The following EHMT1 variants were observed in gnomAD, a reference collection of about 807,000 sequenced individuals.
EHMT1 encodes the protein histone-lysine N-methyltransferase EHMT1.
Under a neutral mutation model 147.2 loss-of-function variants are expected in EHMT1, and 15 were observed. The ratio of observed to expected loss-of-function variants is 0.10; its 90% CI spans 0.07 to 0.16. The LOEUF is 0.16. Among genes scored for constraint, EHMT1 ranks in the 10% least tolerant of loss-of-function variants. EHMT1 has a pLI of 1.00. For synonymous variants in EHMT1, 795 were observed against 709.6 expected, an observed-to-expected ratio of 1.12 and a Z score of -1.91; for missense variants, 1,587 against 1,772.4, an observed-to-expected ratio of 0.90 and a Z score of 1.88.
intron 1 of EHMT1, chr9:137,685,294 T>C (rs1396520081): frequency 3.3e-5 from 5 of 152,238 alleles, no homozygotes; most frequent in African/African-American, 9.6e-5. Flanking sequence ...TAACCCCTGA[T>C]AGACTTTTTG....
rs560772917 is a variant in EHMT1, at chr9:137,731,969, C to G, written c.823+3440C>G. The stretch of plus-strand genomic sequence containing the variant: ...TAGATGAGGGGAACACGGTGGTGCC[C>G]CAAAACTCGGAGTCACCAGCAACTG... On this transcript the variant is annotated intron_variant, in intron 4 of 26. Transcript: ENST00000460843. The surrounding 1 kb of genome is among the most constrained non-coding windows in gnomAD (Gnocchi z 4.3). Among the ~76,000 whole-genome samples the G allele has an allele frequency of 6.6e-6, 1 of 152,196 alleles. No homozygotes were observed. The highest frequency in any genetic ancestry group is 2.4e-5 in the African/African-American group (1 of 41,450).
intron 7 of EHMT1, among the ~76,000 whole-genome samples, chr9:137,753,472 C>T (rs749924357): frequency 2.6e-5 from 4 of 152,212 alleles, no homozygotes; most frequent in African/African-American, 7.2e-5. Context: ...CTCCCGGTAC[C>T]GTCCTCACGT....
At chr9:137,715,452 C>T (rs902257824) in intron 2 of EHMT1, 22 of 812,698 alleles carry the variant, frequency 2.7e-5, no homozygotes, top group Admixed American at 1.2e-4. Flanking sequence ...TTAACGTCCT[C>T]GGGTGGAAGG....
intron 16 of EHMT1, chr9:137,795,100 C>T (rs1162264083): frequency 6.6e-6 from 1 of 152,178 alleles, no homozygotes; most frequent in Non-Finnish European, 1.5e-5. Flanking sequence ...CATGCGACTT[C>T]TTCAAGCATT....
intron 1 of EHMT1, among the ~76,000 whole-genome samples, chr9:137,656,865 C>T (rs890702305): frequency 1.6e-4 from 24 of 152,224 alleles, no homozygotes; most frequent in South Asian, 4.2e-4. Flanking sequence ...CTCAGCCTCC[C>T]GAGTAGCTGG....
In EHMT1 at chr9:137,834,372, C is replaced by T. The variant is rs751507253; in HGVS notation, c.3564C>T (p.Asp1188=). Residue 1188 remains aspartate (D), a synonymous_variant, in exon 26 of 27, where the codon GAC becomes GAT. Transcript: ENST00000460843. ...AGGACGGGGAGGTTTACTGCATCGA[C>T]GCGCGGTTCTACGGGAACGTCAGCC... ...DNKDGEVYCI[D]ARFYGNVSRF... 5.0e-6 allele frequency: 8 copies of T among 1,613,070 alleles called. 1 individual carries two copies. The South Asian group carries it at 5.5e-5, about 11-fold the overall frequency.
At chr9:137,656,599 G>A (rs1938473795) in intron 1 of EHMT1, among the ~76,000 whole-genome samples, 1 of 152,284 alleles carries the variant, frequency 6.6e-6, no homozygotes, top group Non-Finnish European at 1.5e-5. Flanking sequence ...GGCTGGGCCT[G>A]TGCTGTGGAC....
chr9:137,639,692 T>G (rs1168871605), intron 1 of EHMT1, among the ~76,000 whole-genome samples: 1 of 152,248 alleles, frequency 6.6e-6, no homozygotes, highest in African/African-American at 2.4e-5. Flanking sequence ...TCTTTGTATC[T>G]TCAATCGAAG....
At position 137,798,895 on chromosome 9, in the gene EHMT1, A is replaced by G; in HGVS notation, c.2588A>G (p.Gln863Arg). The G allele has an allele frequency of 6.2e-7, 1 of 1,614,100 alleles. No individual in the cohort carries two copies. Among genetic ancestry groups the G allele is most frequent in the Non-Finnish European group, 8.5e-7 (1 of 1,179,916 alleles). Residue 863 changes from glutamine (Q) to arginine (R), a missense_variant, in exon 17 of 27, where the codon CAG becomes CGG. By Grantham distance (43) the Gln-to-Arg change is conservative. Coordinates refer to ENST00000460843, the MANE Select transcript of EHMT1 (RefSeq NM_024757.5). Reference sequence around the variant, plus strand: ...GTCCAGTACCTGCTTTCAAATGGACAGATGGACGTCAACTGTCAGGTACAG... The same window carrying G: ...GTCCAGTACCTGCTTTCAAATGGACGGATGGACGTCAACTGTCAGGTACAG... ...EVVQYLLSNG[Q>R]MDVNCQDDGG...
chr9:137,807,185 T>C (rs1178479471), intron 18 of EHMT1, among the ~76,000 whole-genome samples: 2 of 152,244 alleles, frequency 1.3e-5, no homozygotes, highest in African/African-American at 2.4e-5. Context: ...CAGCTGTGTA[T>C]GTAGGAGTTC....
At chr9:137,757,819 G>T (rs1047699832) in intron 8 of EHMT1, 61 bp from the exon 9 acceptor site, 2 of 1,609,594 alleles carry the variant, frequency 1.2e-6, no homozygotes, top group Non-Finnish European at 8.5e-7. Context: ...TGCCCTGTGC[G>T]TCTGGGTGGG....
intron 1 of EHMT1, among the ~76,000 whole-genome samples, chr9:137,643,063 T>G (rs1844608963): frequency 6.6e-6 from 1 of 151,898 alleles, no homozygotes; most frequent in South Asian, 2.1e-4. Flanking sequence ...ATTTTTTTTT[T>G]GTAGAGATGG....
intron 23 of EHMT1, chr9:137,817,150 C>G: frequency 2.0e-6 from 1 of 496,788 alleles, no homozygotes; most frequent in South Asian, 2.0e-5. Context: ...TGCCTAGTGG[C>G]CCAGGCCCAG....
chr9:137,667,264 A>G (rs1939771059), intron 1 of EHMT1: 1 of 152,220 alleles, frequency 6.6e-6, no homozygotes, highest in South Asian at 2.1e-4. Flanking sequence ...GTTTTTGAAC[A>G]CCTGTGATGT....
chr9:137,817,041 C>T (rs969729085), intron 23 of EHMT1: 2 of 286,044 alleles, frequency 7.0e-6, no homozygotes, highest in African/African-American at 2.2e-5. Context: ...CCCTGAGGGG[C>T]CTGTGGGCTC....
chr9:137,661,486 CT>C lies in EHMT1; in HGVS notation c.21+42455del, dbSNP rs1195276514. On this transcript the variant is annotated intron_variant, in intron 1 of 26. Transcript: ENST00000460843. ...TTTACCCCAGGTAGTTTTTGTACATCTTTTTTTTTTTTTTTTTTGAGATGGA... is the reference window on the plus strand; with the variant it reads ...TTTACCCCAGGTAGTTTTTGTACATCTTTTTTTTTTTTTTTTTGAGATGGA... Among the ~76,000 whole-genome samples, 552 of 133,896 alleles carry C rather than the reference CT, an allele frequency of 4.1e-3. 3 individuals are homozygous for C. Among genetic ancestry groups the C allele is most frequent in the African/African-American group, 9.0e-3 (324 of 35,998 alleles). The allele number at this position is 133,896 out of a possible 152,430, so 87.8% of individuals were successfully genotyped here.
chr9:137,691,872 G>C (rs1460616803), intron 1 of EHMT1, among the ~76,000 whole-genome samples: 4 of 152,166 alleles, frequency 2.6e-5, no homozygotes, highest in Non-Finnish European at 5.9e-5. Context: ...GAAGCGCCCT[G>C]TCTCCCCTGG....
In EHMT1 at chr9:137,724,639, G is replaced by A. The variant is rs551314696; in HGVS notation, c.643-3710G>A. On this transcript the variant is annotated intron_variant, in intron 3 of 26. Transcript: ENST00000460843. ...CTTCATCAATATGTACTTTGAAAGC[G>A]CATTTTGTGTTTGTAAGCACCAGCT... Among the ~76,000 whole-genome samples, 7 of 152,274 alleles carry A rather than the reference G, an allele frequency of 4.6e-5. No homozygotes were observed. The South Asian group carries it at 6.2e-4, about 14-fold the overall frequency.
intron 9 of EHMT1, 64 bp from the exon 10 acceptor site, chr9:137,762,611 C>G: frequency 1.2e-6 from 2 of 1,611,894 alleles, no homozygotes; most frequent in Non-Finnish European, 1.7e-6. Flanking sequence ...TATAATCGAT[C>G]ACTTTCTAGA....
Sources: gnomAD v4.1 joint callset for allele counts (sites outside exome capture counted in the v4.1 genomes callset) on GRCh38, gnomAD v4.1.1 for gene constraint, Gnocchi (gnomAD v3.1) non-coding constraint, MANE v1.5 for transcripts, NCBI Gene and HGNC (gene_info 2026-07-23, HGNC 2026-07-21) for gene names.